The following GNAO1 variants were observed in gnomAD, a reference collection of about 807,000 sequenced individuals.
The protein encoded by GNAO1 is G protein subunit alpha o1, also known as guanine nucleotide-binding protein G(o) subunit alpha.
For missense variants in GNAO1, 166 were observed against 478.7 expected (o/e 0.35, Z 6.10); for synonymous variants, 164 against 180.7 (o/e 0.91, Z 0.74).
chr16:56,351,613 G>T lies in GNAO1; in HGVS notation c.877+76G>T. 3.4e-6 allele frequency: 4 copies of T among 1,184,238 alleles called. No homozygotes were observed. The highest frequency in any genetic ancestry group is 4.9e-6 in the Non-Finnish European group (4 of 814,266). The allele number at this position is 1,184,238 out of a possible 1,614,324, so 73.4% of individuals were successfully genotyped here. A position where few individuals can be genotyped will look rare whatever the true frequency, so the allele number is the denominator to read the frequency against. On this transcript the variant is annotated intron_variant, in intron 7 of 8. Transcript: ENST00000262493. This position sits in a 1 kb window ranked among gnomAD's most constrained non-coding sequence, Gnocchi z 6.1. ...CCATGGCTCAGAGAACAGGCTGCTC[G>T]GCCAGCACTGCTGGGGCTAGCTGGC...
At chr16:56,266,192 T>G (rs2036951707) in intron 2 of GNAO1, among the ~76,000 whole-genome samples, 1 of 152,250 alleles carries the variant, frequency 6.6e-6, no homozygotes, top group East Asian at 1.9e-4. Flanking sequence ...GTCTGTCCTG[T>G]TCGCCAGTCT....
At chr16:56,309,049 C>G (rs2037428519) in intron 3 of GNAO1, among the ~76,000 whole-genome samples, 1 of 152,092 alleles carries the variant, frequency 6.6e-6, no homozygotes, top group Non-Finnish European at 1.5e-5. Context: ...GACTTGGTTT[C>G]TATGGCTCCC....
intron 2 of GNAO1, among the ~76,000 whole-genome samples, chr16:56,249,483 G>T (rs914918622): frequency 3.3e-5 from 5 of 152,086 alleles, no homozygotes; most frequent in African/African-American, 1.2e-4. Flanking sequence ...AGGAGTGCTG[G>T]GGAGGAGGCT....
rs192288343 is a variant in GNAO1, at chr16:56,318,671, A to G, written c.304-9960A>G. Reference sequence around the variant, plus strand: ...ATGGAGGAAAGCTCTGAATGATCCAAAGCAGCTCCTCAAATGGAAGGGGTT... The same window carrying G: ...ATGGAGGAAAGCTCTGAATGATCCAGAGCAGCTCCTCAAATGGAAGGGGTT... On this transcript the variant is annotated intron_variant, in intron 3 of 8. Transcript: ENST00000262493. Among the ~76,000 whole-genome samples, 10 of 152,336 alleles carry G rather than the reference A, an allele frequency of 6.6e-5. No individual in the cohort carries two copies. The East Asian group carries it at 1.9e-3, about 29-fold the overall frequency.
chr16:56,248,988 G>A (rs2398222), intron 2 of GNAO1, among the ~76,000 whole-genome samples: 19,627 of 152,156 alleles, frequency 0.13, 1,603 homozygotes, highest in African/African-American at 0.22. Flanking sequence ...GAGAGGCTGT[G>A]GTGGCCTATA....
chr16:56,313,150 TAGTA>T (rs1173251112), intron 3 of GNAO1, among the ~76,000 whole-genome samples: 1 of 152,192 alleles, frequency 6.6e-6, no homozygotes, highest in African/African-American at 2.4e-5. Flanking sequence ...CTAGGAAAAA[TAGTA>T]AGTATTACTC....
intron 3 of GNAO1, among the ~76,000 whole-genome samples, chr16:56,309,102 C>T (rs1395326394): frequency 1.3e-5 from 2 of 152,172 alleles, no homozygotes; most frequent in African/African-American, 4.8e-5. Flanking sequence ...CCCTTCCCAC[C>T]TGCTTCACTC....
chr16:56,257,805 A>G (rs1023643545), intron 2 of GNAO1, among the ~76,000 whole-genome samples: 1 of 152,206 alleles, frequency 6.6e-6, no homozygotes, highest in South Asian at 2.1e-4. Context: ...AGGAGTCCTA[A>G]TGCCAACAGG....
intron 6 of GNAO1, among the ~76,000 whole-genome samples, chr16:56,350,075 G>A (rs1054683753): frequency 6.6e-6 from 1 of 152,144 alleles, no homozygotes; most frequent in Non-Finnish European, 1.5e-5. Context: ...GACTGGTGTG[G>A]TCACTTCATC....
At chr16:56,353,750 G>A (rs1480368124) in intron 7 of GNAO1, among the ~76,000 whole-genome samples, 2 of 152,226 alleles carry the variant, frequency 1.3e-5, no homozygotes, top group African/African-American at 4.8e-5. Flanking sequence ...CTTAACAGCT[G>A]TGCTGTGGGC....
chr16:56,254,748 T>G (rs1374575008), intron 2 of GNAO1, among the ~76,000 whole-genome samples: 1 of 152,192 alleles, frequency 6.6e-6, no homozygotes, highest in East Asian at 1.9e-4. Flanking sequence ...TTTCCCTTGC[T>G]TGTGCTGGTT....
chr16:56,296,528 G>T (rs1190158220), intron 3 of GNAO1, among the ~76,000 whole-genome samples: 1 of 152,130 alleles, frequency 6.6e-6, no homozygotes, highest in Non-Finnish European at 1.5e-5. Context: ...CTTAAGCGGC[G>T]TGTCTGGGCT....
At chr16:56,290,129 G>A (rs963337531) in intron 3 of GNAO1, among the ~76,000 whole-genome samples, 3 of 152,228 alleles carry the variant, frequency 2.0e-5, no homozygotes, top group Non-Finnish European at 2.9e-5. Flanking sequence ...CTCCTCCATA[G>A]GGGACTTCTC....
At chr16:56,304,622 T>C (rs1399125850) in intron 3 of GNAO1, among the ~76,000 whole-genome samples, 6 of 152,212 alleles carry the variant, frequency 3.9e-5, no homozygotes, top group Admixed American at 2.0e-4. Context: ...AAACTTCACT[T>C]TTCTGTCTAG....
intron 3 of GNAO1, among the ~76,000 whole-genome samples, chr16:56,313,109 G>C (rs1431829308): frequency 3.9e-5 from 6 of 152,162 alleles, no homozygotes; most frequent in Non-Finnish European, 7.3e-5. Context: ...TTATCATAGG[G>C]ATATGATGTT....
chr16:56,194,257 A>C (rs1263689355), intron 2 of GNAO1: 8 of 456,406 alleles, frequency 1.8e-5, no homozygotes, highest in Non-Finnish European at 3.1e-5. Context: ...AGCTTGTGCA[A>C]CCCAAATTGA....
At chr16:56,217,390 T>G (rs1312884874) in intron 2 of GNAO1, among the ~76,000 whole-genome samples, 11 of 152,218 alleles carry the variant, frequency 7.2e-5, no homozygotes, top group African/African-American at 2.4e-4. Flanking sequence ...GCATATTAAA[T>G]TCAGGATGCT....
At chr16:56,340,760 G>C (rs2037794340) in intron 6 of GNAO1, 1 of 1,348,234 alleles carries the variant, frequency 7.4e-7, no homozygotes. Flanking sequence ...TGCTTGTCCC[G>C]CTGTGTCATT....
chr16:56,203,844 A>C (rs2036302051), intron 2 of GNAO1, among the ~76,000 whole-genome samples: 1 of 152,168 alleles, frequency 6.6e-6, no homozygotes, highest in African/African-American at 2.4e-5. Context: ...GGGCAGGCTC[A>C]TGTGGCTGAA....
Sources: gnomAD v4.1 joint callset for allele counts (sites outside exome capture counted in the v4.1 genomes callset) on GRCh38, gnomAD v4.1.1 for gene constraint, Gnocchi (gnomAD v3.1) non-coding constraint, MANE v1.5 for transcripts, NCBI Gene and HGNC (gene_info 2026-07-23, HGNC 2026-07-21) for gene names.